The following NAV3 variants were observed in gnomAD, a reference collection of about 807,000 sequenced individuals.
The protein encoded by NAV3 is pore membrane and/or filament interacting like protein 1.
In NAV3, 87 loss-of-function variants were observed where a neutral mutation model predicts 244.7. The observed-to-expected ratio is 0.36, with a 90% confidence interval of 0.30 to 0.42. NAV3 has a LOEUF of 0.42. Among genes scored for constraint, NAV3 ranks in the 20% least tolerant of loss-of-function variants. The pLI is 1.00. For missense variants in NAV3, 2,663 were observed against 2,893.3 expected (o/e 0.92, Z 1.83); for synonymous variants, 1,126 against 1,042.2 (o/e 1.08, Z -1.55).
At chr12:77,837,232 GTTTAAAC>G (rs932231696) in intron 1 of NAV3, among the ~76,000 whole-genome samples, 1 of 149,286 alleles carries the variant, frequency 6.7e-6, no homozygotes, top group Non-Finnish European at 1.5e-5. Flanking sequence ...AACTTTTAAA[GTTTAAAC>G]TTTAAACTTT....
intron 3 of NAV3, among the ~76,000 whole-genome samples, chr12:77,942,458 G>T (rs994643258): frequency 6.6e-6 from 1 of 151,962 alleles, no homozygotes; most frequent in South Asian, 2.1e-4. Context: ...CTATTATGAT[G>T]TCATGAACTC....
chr12:78,064,426 T>TCTGTCTGCCTGTCTGCCTGC, intron 12 of NAV3, among the ~76,000 whole-genome samples: 1 of 136,292 alleles, frequency 7.3e-6, no homozygotes, highest in Non-Finnish European at 1.6e-5. Context: ...TGTCTGTCTG[T>TCTGTCTGCCTGTCTGCCTGC]CTGCCTGCCT....
chr12:78,187,109 A>C (rs1298335552), intron 31 of NAV3, among the ~76,000 whole-genome samples: 1 of 151,970 alleles, frequency 6.6e-6, no homozygotes, highest in African/African-American at 2.4e-5. Flanking sequence ...ATTTCATAAC[A>C]ATAGTAACAA....
intron 5 of NAV3, among the ~76,000 whole-genome samples, chr12:77,979,267 C>T (rs1253862167): frequency 6.6e-6 from 1 of 150,518 alleles, no homozygotes; most frequent in Non-Finnish European, 1.5e-5. Flanking sequence ...TGGTGTGTGC[C>T]TGCTGTCCTG....
At chr12:77,601,707 A>G (rs927803403) in intron 2 of NAV3, among the ~76,000 whole-genome samples, 1 of 151,982 alleles carries the variant, frequency 6.6e-6, no homozygotes, top group Non-Finnish European at 1.5e-5. Flanking sequence ...GTCAAAAGAC[A>G]TGTTTTATAG....
chr12:77,939,305 T>C (rs1376201666), intron 1 of NAV3, among the ~76,000 whole-genome samples: 1 of 152,170 alleles, frequency 6.6e-6, no homozygotes, highest in Non-Finnish European at 1.5e-5. Flanking sequence ...TTATACCCAC[T>C]GCAAGGAAGG....
At chr12:78,025,535 G>T (rs1362685595) in intron 9 of NAV3, among the ~76,000 whole-genome samples, 1 of 136,382 alleles carries the variant, frequency 7.3e-6, no homozygotes, top group Middle Eastern at 4.3e-3. Context: ...GGCAGAGATT[G>T]CAGTGAGTCA....
chr12:77,715,698 A>G (rs1230175221), intron 2 of NAV3, among the ~76,000 whole-genome samples: 2 of 152,038 alleles, frequency 1.3e-5, no homozygotes, highest in Non-Finnish European at 2.9e-5. Flanking sequence ...GCTGTGCCAC[A>G]GGGTGTGTCA....
intron 2 of NAV3, among the ~76,000 whole-genome samples, chr12:77,762,164 A>C (rs1869500701): frequency 6.6e-6 from 1 of 152,170 alleles, no homozygotes; most frequent in East Asian, 1.9e-4. Context: ...CATTCTCAAC[A>C]AACTAACACA....
intron 8 of NAV3, among the ~76,000 whole-genome samples, chr12:78,011,948 T>C (rs1440266525): frequency 6.6e-6 from 1 of 152,050 alleles, no homozygotes; most frequent in Non-Finnish European, 1.5e-5. Context: ...TCAGATCTCA[T>C]GAGAACTCAC....
chr12:78,006,311 A>AGAG (rs1254720095), intron 7 of NAV3, 108 bp from the exon 8 acceptor site: 3 of 1,002,724 alleles, frequency 3.0e-6, no homozygotes, highest in Non-Finnish European at 2.9e-6. Context: ...TTTTCAGTTC[A>AGAG]GAGGAGAGAG....
intron 23 of NAV3, among the ~76,000 whole-genome samples, chr12:78,165,262 A>G (rs1273353232): frequency 1.3e-5 from 2 of 152,016 alleles, no homozygotes; most frequent in African/African-American, 4.8e-5. Flanking sequence ...GTGTGAAGTA[A>G]CAAAATATGA....
At chr12:77,922,619 A>T (rs951291227) in intron 1 of NAV3, among the ~76,000 whole-genome samples, 1 of 152,078 alleles carries the variant, frequency 6.6e-6, no homozygotes, top group Non-Finnish European at 1.5e-5. Flanking sequence ...TCCAGCATTG[A>T]CTTTACTCTT....
At chr12:77,811,017 G>T (rs769316132) in intron 2 of NAV3, among the ~76,000 whole-genome samples, 11 of 152,166 alleles carry the variant, frequency 7.2e-5, no homozygotes, top group Non-Finnish European at 1.0e-4. Flanking sequence ...CTGAAATAAA[G>T]AAATTTAACT....
At chr12:77,905,896 C>G (rs1330827739) in intron 1 of NAV3, among the ~76,000 whole-genome samples, 1 of 152,156 alleles carries the variant, frequency 6.6e-6, no homozygotes, top group East Asian at 1.9e-4. Flanking sequence ...CTGGACATGA[C>G]ATGATGGCCT....
chr12:78,199,155 C>G, intron 36 of NAV3, 180 bp from the exon 37 acceptor site: 1 of 680,402 alleles, frequency 1.5e-6, no homozygotes, highest in Non-Finnish European at 2.7e-6. Context: ...CATTATAGCT[C>G]TCATCCTAGT....
At chr12:78,088,098 T>TA (rs1403667971) in intron 12 of NAV3, among the ~76,000 whole-genome samples, 1 of 151,180 alleles carries the variant, frequency 6.6e-6, no homozygotes, top group African/African-American at 2.4e-5. Flanking sequence ...TCATATAACT[T>TA]ATGAGGGTCA....
chr12:77,811,696 G>T (rs1362797916), intron 2 of NAV3, among the ~76,000 whole-genome samples: 1 of 152,170 alleles, frequency 6.6e-6, no homozygotes, highest in Non-Finnish European at 1.5e-5. Flanking sequence ...TTAACTTGGG[G>T]TTGGAATTGT....
chr12:77,574,269 A>G (rs1170315431), intron 2 of NAV3, among the ~76,000 whole-genome samples: 1 of 152,104 alleles, frequency 6.6e-6, no homozygotes, highest in Admixed American at 6.6e-5. Context: ...GATATGTAAG[A>G]TCTGCAAATA....
Sources: gnomAD v4.1 joint callset for allele counts (sites outside exome capture counted in the v4.1 genomes callset) on GRCh38, gnomAD v4.1.1 for gene constraint, MANE v1.5 for transcripts, NCBI Gene and HGNC (gene_info 2026-07-23, HGNC 2026-07-21) for gene names.